Variants in LRMDA observed in about 807,000 individuals in gnomAD.
LRMDA encodes the protein leucine rich melanocyte differentiation associated, also known as leucine-rich melanocyte differentiation-associated protein.
A neutral mutation model predicts 29.8 loss-of-function variants in LRMDA; 18 were observed. The ratio of observed to expected loss-of-function variants is 0.60; its 90% CI spans 0.42 to 0.90. The LOEUF is 0.90. Among genes scored for constraint, LRMDA ranks in the 40% least tolerant of loss-of-function variants. The probability of loss-of-function intolerance (pLI) is 0.00; values close to 1 mark genes in which losing one functional copy is unlikely to be tolerated. For missense variants in LRMDA, 273 were observed against 273.9 expected (o/e 1.00, Z 0.02); for synonymous variants, 125 against 109.4 (o/e 1.14, Z -0.89).
chr10:76,239,895 TCATTA>T (rs1852238804), intron 5 of LRMDA, among the ~76,000 whole-genome samples: 1 of 152,006 alleles, frequency 6.6e-6, no homozygotes, highest in Non-Finnish European at 1.5e-5. Context: ...ATTGTGCTAA[TCATTA>T]CATTTTATGT....
At chr10:76,020,447 T>C (rs1438659894) in intron 2 of LRMDA, among the ~76,000 whole-genome samples, 1 of 152,228 alleles carries the variant, frequency 6.6e-6, no homozygotes, top group Admixed American at 6.5e-5. Flanking sequence ...CTTACATTTC[T>C]TGAGTGCTTT....
chr10:76,505,756 G>A (rs1167487345), intron 6 of LRMDA, among the ~76,000 whole-genome samples: 1 of 152,094 alleles, frequency 6.6e-6, no homozygotes, highest in Non-Finnish European at 1.5e-5. Context: ...TTCTATGTGT[G>A]TCATTTTAGT....
chr10:76,480,040 C>A (rs1464866384), intron 6 of LRMDA, among the ~76,000 whole-genome samples: 1 of 151,866 alleles, frequency 6.6e-6, no homozygotes, highest in East Asian at 1.9e-4. Context: ...ATTTAATTTT[C>A]CCATCAATCT....
intron 5 of LRMDA, among the ~76,000 whole-genome samples, chr10:76,076,034 C>T (rs951161484): frequency 1.3e-5 from 2 of 152,112 alleles, no homozygotes; most frequent in African/African-American, 4.8e-5. Flanking sequence ...TCCAGGGCTT[C>T]GTGCCCAATA....
At chr10:76,247,272 G>A (rs1230603171) in intron 5 of LRMDA, among the ~76,000 whole-genome samples, 1 of 152,186 alleles carries the variant, frequency 6.6e-6, no homozygotes, top group African/African-American at 2.4e-5. Context: ...TGTACTGAAA[G>A]CTGGATTTTT....
chr10:76,480,129 AT>A (rs1198459240), intron 6 of LRMDA, among the ~76,000 whole-genome samples: 1 of 151,946 alleles, frequency 6.6e-6, no homozygotes, highest in Non-Finnish European at 1.5e-5. Context: ...TTAGATGAAA[AT>A]GATGTGTCTT....
chr10:75,476,763 G>A (rs1422978763), intron 2 of LRMDA, among the ~76,000 whole-genome samples: 2 of 152,088 alleles, frequency 1.3e-5, no homozygotes, highest in Non-Finnish European at 2.9e-5. Context: ...AGTTTTCTAG[G>A]GCTGCTGTAA....
intron 6 of LRMDA, among the ~76,000 whole-genome samples, chr10:76,396,343 T>C (rs1054182915): frequency 2.6e-5 from 4 of 152,186 alleles, no homozygotes; most frequent in Non-Finnish European, 4.4e-5. Flanking sequence ...AAAGGATCTG[T>C]GGTGATCGGG....
At chr10:76,482,466 T>C (rs1254036264) in intron 6 of LRMDA, among the ~76,000 whole-genome samples, 1 of 151,974 alleles carries the variant, frequency 6.6e-6, no homozygotes, top group Admixed American at 6.6e-5. Context: ...TTTGTCTGGA[T>C]ACTTCGGGCC....
chr10:76,000,858 T>G (rs1847551046), intron 2 of LRMDA, among the ~76,000 whole-genome samples: 1 of 152,116 alleles, frequency 6.6e-6, no homozygotes, highest in Non-Finnish European at 1.5e-5. Flanking sequence ...AGAGGATGCT[T>G]GGTGTTGAGA....
chr10:76,371,882 T>A (rs911750834), intron 6 of LRMDA, among the ~76,000 whole-genome samples: 5 of 152,116 alleles, frequency 3.3e-5, no homozygotes, highest in Admixed American at 2.0e-4. Context: ...AGGGTCCTCT[T>A]TTTTGTGGGT....
chr10:75,563,662 T>C (rs1198347464), intron 2 of LRMDA, among the ~76,000 whole-genome samples: 1 of 152,152 alleles, frequency 6.6e-6, no homozygotes, highest in Admixed American at 6.5e-5. Flanking sequence ...TTTGTGGTTT[T>C]ATCTACTTTT....
chr10:75,787,630 T>G lies in LRMDA; in HGVS notation c.132-248378T>G, dbSNP rs145622276. Reference sequence around the variant, plus strand: ...CCTTAAACATCTTTGCCTTTTAAATTTTGTAAACAATGCTGGAATAAAACA... The same window carrying G: ...CCTTAAACATCTTTGCCTTTTAAATGTTGTAAACAATGCTGGAATAAAACA... On this transcript the variant is annotated intron_variant, in intron 2 of 6. Coordinates refer to ENST00000611255, the MANE Select transcript of LRMDA (RefSeq NM_001305581.2). Among the ~76,000 whole-genome samples, 99 of 152,342 alleles carry G rather than the reference T, an allele frequency of 6.5e-4. 2 individuals carry two copies. The highest frequency in any genetic ancestry group is 2.7e-3 in the South Asian group (13 of 4,830).
chr10:76,118,010 C>T (rs1156963428), intron 5 of LRMDA, among the ~76,000 whole-genome samples: 1 of 152,196 alleles, frequency 6.6e-6, no homozygotes, highest in Non-Finnish European at 1.5e-5. Context: ...TCTGTGCACA[C>T]TGCTTTATGG....
rs564885793 is a variant in LRMDA at position 75,875,178 on chromosome 10, GT to G, written c.132-160828del. On this transcript the variant is annotated intron_variant, in intron 2 of 6. Transcript: ENST00000611255. ...GAGTGGTGGTTACCCTAGCCAGGCAGTTAAGCATAATGCAGTGACAGGAGTT... is the reference window on the plus strand; with the variant it reads ...GAGTGGTGGTTACCCTAGCCAGGCAGTAAGCATAATGCAGTGACAGGAGTT... Among the ~76,000 whole-genome samples the G allele has an allele frequency of 7.2e-5, 11 of 152,334 alleles. No homozygotes were observed. In the South Asian group the frequency reaches 2.3e-3, roughly 32 times the overall value.
At chr10:75,653,301 TTG>T in intron 2 of LRMDA, among the ~76,000 whole-genome samples, 1 of 152,214 alleles carries the variant, frequency 6.6e-6, no homozygotes, top group East Asian at 1.9e-4. Context: ...TTCCTTTGCC[TTG>T]TTAGTTCTCA....
intron 5 of LRMDA, among the ~76,000 whole-genome samples, chr10:76,100,156 CT>C: frequency 6.6e-6 from 1 of 152,058 alleles, no homozygotes; most frequent in African/African-American, 2.4e-5. Context: ...GATAAATGAC[CT>C]CTTCATCATT....
At chr10:75,832,135 T>C (rs1424950115) in intron 2 of LRMDA, among the ~76,000 whole-genome samples, 2 of 152,220 alleles carry the variant, frequency 1.3e-5, no homozygotes, top group African/African-American at 2.4e-5. Context: ...GATTTTCTTT[T>C]TTACTGCATC....
At chr10:76,334,853 G>A (rs1840948408) in intron 6 of LRMDA, among the ~76,000 whole-genome samples, 1 of 152,164 alleles carries the variant, frequency 6.6e-6, no homozygotes, top group Non-Finnish European at 1.5e-5. Flanking sequence ...ACCAGGGCAT[G>A]TAGGAGATGA....
Sources: allele counts gnomAD v4.1 joint callset (sites outside exome capture counted in the v4.1 genomes callset), GRCh38; gene constraint gnomAD v4.1.1; transcripts MANE v1.5; gene names NCBI Gene and HGNC (gene_info 2026-07-23, HGNC 2026-07-21).